Variants in FRMD4A observed in about 807,000 individuals in gnomAD.
The protein encoded by FRMD4A is FERM domain containing 4A, also known as FERM domain-containing protein 4A.
In FRMD4A, 29 loss-of-function variants were observed where a neutral mutation model predicts 129.1. The observed-to-expected ratio is 0.22, with a 90% CI of 0.17 to 0.31. The LOEUF (loss-of-function observed/expected upper bound fraction) is 0.31. Ranked by LOEUF, FRMD4A falls within the 10% of genes least tolerant of loss-of-function variation. The pLI is 1.00. For missense variants in FRMD4A, 1,272 were observed against 1,375.8 expected (o/e 0.92, Z 1.19); for synonymous variants, 634 against 571.6 (o/e 1.11, Z -1.56).
At chr10:13,693,628 C>A in intron 15 of FRMD4A, 1 of 671,428 alleles carries the variant, frequency 1.5e-6, no homozygotes. Flanking sequence ...TGGGGGGTAC[C>A]TGAAGACACT....
intron 2 of FRMD4A, among the ~76,000 whole-genome samples, chr10:14,198,994 T>A (rs1343170448): frequency 6.6e-6 from 1 of 152,166 alleles, no homozygotes; most frequent in African/African-American, 2.4e-5. Context: ...ATTATTATTA[T>A]TTATGGTTAC....
chr10:13,995,503 A>G (rs2095619261), intron 2 of FRMD4A, among the ~76,000 whole-genome samples: 1 of 152,196 alleles, frequency 6.6e-6, no homozygotes, highest in Non-Finnish European at 1.5e-5. Context: ...AAGAATCACT[A>G]GAACGTGGGA....
chr10:14,188,060 C>A (rs1842202814), intron 2 of FRMD4A, among the ~76,000 whole-genome samples: 1 of 152,170 alleles, frequency 6.6e-6, no homozygotes, highest in Non-Finnish European at 1.5e-5. Flanking sequence ...TCCTTTCCCC[C>A]AAAGGAGCTC....
At chr10:14,270,286 T>A (rs544169617) in intron 2 of FRMD4A, among the ~76,000 whole-genome samples, 1 of 152,324 alleles carries the variant, frequency 6.6e-6, no homozygotes, top group East Asian at 1.9e-4. Context: ...TTCCTTCTCG[T>A]CTCTCTCCCT....
chr10:13,702,229 T>G (rs1265392851), intron 13 of FRMD4A, among the ~76,000 whole-genome samples: 1 of 152,038 alleles, frequency 6.6e-6, no homozygotes, highest in Non-Finnish European at 1.5e-5. Flanking sequence ...CCCCCACCAC[T>G]CCGGGCTACT....
At chr10:13,879,877 C>A (rs1372613996) in intron 2 of FRMD4A, among the ~76,000 whole-genome samples, 1 of 151,184 alleles carries the variant, frequency 6.6e-6, no homozygotes, top group Non-Finnish European at 1.5e-5. Flanking sequence ...AACTCCTGGC[C>A]TCAAGCGATT....
At chr10:14,204,940 G>A (rs958097501) in intron 2 of FRMD4A, among the ~76,000 whole-genome samples, 5 of 152,126 alleles carry the variant, frequency 3.3e-5, no homozygotes, top group African/African-American at 9.7e-5. Context: ...AACAGAGCCC[G>A]GAGAGCCACA....
At position 13,702,913 on chromosome 10, in the gene FRMD4A, GAAAAAAAAAA is replaced by G. The variant is rs34246612; in HGVS notation, c.837-1445_837-1436del. ...CCCTTCGGTTCCAACAAAAGTGAAG[GAAAAAAAAAA>G]AAAAAAAAGCCAGAGCGTGAAAGAG... On this transcript the variant is annotated intron_variant, in intron 13 of 24. Transcript: ENST00000357447. 1.5e-5 allele frequency among the ~76,000 whole-genome samples: 2 copies of G among 131,942 alleles called. 1 individual carries two copies. 86.6% of individuals were successfully genotyped at this position (131,942 alleles called of 152,430 possible). A position where few individuals can be genotyped will look rare whatever the true frequency, so the allele number is the denominator to read the frequency against.
intron 2 of FRMD4A, among the ~76,000 whole-genome samples, chr10:13,913,008 G>T (rs907795387): frequency 1.3e-5 from 2 of 151,106 alleles, no homozygotes; most frequent in Admixed American, 1.3e-4. Context: ...GGGAGGCAGA[G>T]TTTGCAGTGA....
At chr10:13,891,273 G>C (rs2094692972) in intron 2 of FRMD4A, among the ~76,000 whole-genome samples, 1 of 152,006 alleles carries the variant, frequency 6.6e-6, no homozygotes, top group South Asian at 2.1e-4. Context: ...CAAAGGAAAG[G>C]GCTCCCCTGG....
rs113600509 is a variant in FRMD4A, at chr10:13,811,910, G to A, written c.112-1002C>T. The stretch of plus-strand genomic sequence containing the variant: ...TTTTTTTTTTTTTTTTTGAGATGGA[G>A]TCTCGCTCTGTCACCAGGCTGGTGT... On this transcript the variant is annotated intron_variant, in intron 3 of 24. Transcript: ENST00000357447. 3.8e-3 allele frequency among the ~76,000 whole-genome samples: 548 copies of A among 142,798 alleles called. 2 individuals are homozygous for A. The highest frequency in any genetic ancestry group is 0.014 in the African/African-American group (523 of 38,400). The allele number at this position is 142,798 out of a possible 152,430, so 93.7% of individuals were successfully genotyped here.
At chr10:13,833,040 G>A (rs2093815276) in intron 3 of FRMD4A, among the ~76,000 whole-genome samples, 1 of 152,198 alleles carries the variant, frequency 6.6e-6, no homozygotes, top group Non-Finnish European at 1.5e-5. Flanking sequence ...TCACACATAT[G>A]TCTCCCTGGA....
intron 15 of FRMD4A, among the ~76,000 whole-genome samples, 181 bp from the exon 16 acceptor site, chr10:13,675,225 A>G (rs1255722395): frequency 6.6e-6 from 1 of 152,218 alleles, no homozygotes; most frequent in African/African-American, 2.4e-5. Context: ...ACTGCATGGA[A>G]TTTATAGCCA....
chr10:14,039,375 C>CTATCT (rs1565204315), intron 2 of FRMD4A, among the ~76,000 whole-genome samples: 4 of 115,900 alleles, frequency 3.5e-5, no homozygotes, highest in African/African-American at 1.2e-4. Flanking sequence ...TCCGTCCATC[C>CTATCT]ATCCATCCAT....
chr10:13,726,974 G>C (rs1291380106), intron 12 of FRMD4A, among the ~76,000 whole-genome samples: 1 of 152,086 alleles, frequency 6.6e-6, no homozygotes, highest in Admixed American at 6.6e-5. Flanking sequence ...CACGACCTCG[G>C]CCACTGCAAC....
intron 6 of FRMD4A, among the ~76,000 whole-genome samples, chr10:13,767,021 C>T (rs945868784): frequency 1.3e-5 from 2 of 151,994 alleles, no homozygotes; most frequent in Non-Finnish European, 2.9e-5. Context: ...TGCAGTGAGC[C>T]GAGATAGCGC....
chr10:14,278,081 G>A (rs1231935102), intron 2 of FRMD4A, among the ~76,000 whole-genome samples: 4 of 152,112 alleles, frequency 2.6e-5, no homozygotes, highest in Admixed American at 2.0e-4. Context: ...CGACATTCTG[G>A]ACCGCTTTGG....
At chr10:14,316,547 C>T (rs377116808) in intron 2 of FRMD4A, among the ~76,000 whole-genome samples, 24 of 142,088 alleles carry the variant, frequency 1.7e-4, no homozygotes, top group African/African-American at 6.1e-4. Flanking sequence ...AAGAAGAAAC[C>T]AGGCTTAAGC....
In FRMD4A at chr10:14,261,642, G is replaced by C. The variant is rs1212641717; in HGVS notation, c.45+68416C>G. Among the ~76,000 whole-genome samples, 9 of 152,142 alleles carry C rather than the reference G, an allele frequency of 5.9e-5. No individual in the cohort carries two copies. In the East Asian group the frequency reaches 1.7e-3, roughly 29 times the overall value. On this transcript the variant is annotated intron_variant, in intron 2 of 24. Transcript: ENST00000357447. ...CTGGTCTCTACAACCCTGAGGGAGG[G>C]AGGCAGTGGGCATCAGCCTAGAGAA... is the stretch of plus-strand genomic sequence containing the variant.
Sources: allele counts gnomAD v4.1 joint callset (sites outside exome capture counted in the v4.1 genomes callset), GRCh38; gene constraint gnomAD v4.1.1; transcripts MANE v1.5; gene names NCBI Gene and HGNC (gene_info 2026-07-23, HGNC 2026-07-21).